PTPRD: variants seen among roughly 807,000 people sequenced by gnomAD.
PTPRD encodes receptor-type tyrosine-protein phosphatase delta.
PTPRD carries 34 observed loss-of-function variants against 214.5 expected under a neutral mutation model. That is an observed-to-expected ratio of 0.16 (90% confidence interval 0.12 to 0.21). The LOEUF is 0.21. PTPRD is among the 10% of genes least tolerant of loss of function. The pLI is 1.00. For synonymous variants in PTPRD, 1,128 were observed against 845.7 expected, an observed-to-expected ratio of 1.33 and a Z score of -5.79; for missense variants, 2,545 against 2,398.7, an observed-to-expected ratio of 1.06 and a Z score of -1.27.
chr9:9,589,708 A>G (rs1446018340), intron 7 of PTPRD, among the ~76,000 whole-genome samples: 1 of 152,008 alleles, frequency 6.6e-6, no homozygotes, highest in Non-Finnish European at 1.5e-5. Context: ...ATTATTTCAT[A>G]GAGCTTTACA....
intron 2 of PTPRD, among the ~76,000 whole-genome samples, chr9:10,494,836 T>A (rs575652969): frequency 6.6e-6 from 1 of 151,704 alleles, no homozygotes; most frequent in African/African-American, 2.4e-5. Flanking sequence ...TATAATTTTA[T>A]TCCTAAAAAT....
intron 21 of PTPRD, among the ~76,000 whole-genome samples, chr9:8,516,877 C>A (rs1173550840): frequency 7.1e-6 from 1 of 141,840 alleles, no homozygotes; most frequent in Non-Finnish European, 1.5e-5. Flanking sequence ...AATCTTAGCT[C>A]ACTGCAAACT....
intron 9 of PTPRD, among the ~76,000 whole-genome samples, chr9:9,243,217 G>A (rs1211512221): frequency 6.6e-6 from 1 of 152,078 alleles, no homozygotes; most frequent in South Asian, 2.1e-4. Flanking sequence ...GAGGTACAAG[G>A]AGGAGCTGCT....
At chr9:9,878,101 G>C (rs148089222) in intron 5 of PTPRD, among the ~76,000 whole-genome samples, 1,845 of 152,062 alleles carry the variant, frequency 0.012, 25 homozygotes, top group Non-Finnish European at 0.016. Flanking sequence ...CTGTGGTAGA[G>C]ATTAAAGAAT....
chr9:9,724,569 T>C (rs900486770), intron 7 of PTPRD, among the ~76,000 whole-genome samples: 12 of 152,144 alleles, frequency 7.9e-5, no homozygotes, highest in Non-Finnish European at 1.3e-4. Flanking sequence ...CTTTACTCAA[T>C]ATTAACAGAT....
chr9:10,418,340 G>A (rs986791522), intron 2 of PTPRD, among the ~76,000 whole-genome samples: 14 of 151,316 alleles, frequency 9.3e-5, no homozygotes, highest in African/African-American at 3.4e-4. Context: ...ATTTTTTTAA[G>A]TATCCCTTTG....
intron 7 of PTPRD, among the ~76,000 whole-genome samples, chr9:9,664,673 C>A: frequency 6.6e-6 from 1 of 151,648 alleles, no homozygotes; most frequent in East Asian, 1.9e-4. Flanking sequence ...ATCCTTAATG[C>A]ATGGACAGAT....
chr9:8,957,201 C>T (rs1450073757), intron 11 of PTPRD, among the ~76,000 whole-genome samples: 5 of 151,728 alleles, frequency 3.3e-5, no homozygotes, highest in East Asian at 1.9e-4. Context: ...ATAACTTTCA[C>T]GTAACTTTCA....
At chr9:9,640,455 G>A (rs773142017) in intron 7 of PTPRD, among the ~76,000 whole-genome samples, 1 of 152,196 alleles carries the variant, frequency 6.6e-6, no homozygotes, top group African/African-American at 2.4e-5. Context: ...TGCCCTGCCA[G>A]AAGCCTCTGC....
intron 2 of PTPRD, among the ~76,000 whole-genome samples, chr9:10,452,683 G>T (rs939572197): frequency 6.6e-6 from 1 of 151,600 alleles, no homozygotes. Flanking sequence ...ATTTCGTTTT[G>T]TTAGCTATTG....
chr9:10,225,671 G>T (rs1320653603), intron 3 of PTPRD, among the ~76,000 whole-genome samples: 1 of 152,018 alleles, frequency 6.6e-6, no homozygotes, highest in South Asian at 2.1e-4. Context: ...CTAGGAACAA[G>T]AAAAGTCTAC....
At chr9:9,052,060 G>C (rs1397442435) in intron 10 of PTPRD, among the ~76,000 whole-genome samples, 1 of 152,182 alleles carries the variant, frequency 6.6e-6, no homozygotes, top group African/African-American at 2.4e-5. Context: ...AGTTCTGGAG[G>C]CTGGGATGTT....
intron 9 of PTPRD, among the ~76,000 whole-genome samples, chr9:9,325,233 T>C (rs1383409152): frequency 6.6e-6 from 1 of 152,212 alleles, no homozygotes; most frequent in East Asian, 1.9e-4. Flanking sequence ...GTGAAGAAAG[T>C]CCTTGGTAGC....
intron 5 of PTPRD, among the ~76,000 whole-genome samples, chr9:9,842,721 T>G (rs1485029051): frequency 1.3e-5 from 2 of 151,788 alleles, no homozygotes; most frequent in Non-Finnish European, 2.9e-5. Context: ...TGGCTTTACC[T>G]TGGACAGGAT....
chr9:8,436,549 G>A, intron 35 of PTPRD, 43 bp downstream of exon 35: 1 of 1,452,462 alleles, frequency 6.9e-7, no homozygotes, highest in Non-Finnish European at 9.6e-7. Flanking sequence ...AAAGAGAAGA[G>A]TAACTCTTGA....
At chr9:10,100,025 G>T (rs1342663616) in intron 3 of PTPRD, among the ~76,000 whole-genome samples, 1 of 151,666 alleles carries the variant, frequency 6.6e-6, no homozygotes, top group Non-Finnish European at 1.5e-5. Context: ...ATGTATATGT[G>T]TTTTCGGTGT....
At chr9:9,947,492 T>TATATATATTTTATATATATA (rs2092848828) in intron 4 of PTPRD, among the ~76,000 whole-genome samples, 38 of 35,636 alleles carry the variant, frequency 1.1e-3, no homozygotes, top group Non-Finnish European at 1.5e-3. Flanking sequence ...TTATATATAT[T>TATATATATTTTATATATATA]ATATATATTT....
chr9:10,267,490 T>C (rs529443630), intron 3 of PTPRD, among the ~76,000 whole-genome samples: 4 of 152,286 alleles, frequency 2.6e-5, no homozygotes, highest in Non-Finnish European at 5.9e-5. Context: ...TTTCAGTCAC[T>C]GATAGCAAAT....
chr9:8,964,806 T>C (rs2099182233), intron 11 of PTPRD, among the ~76,000 whole-genome samples: 1 of 152,192 alleles, frequency 6.6e-6, no homozygotes, highest in Non-Finnish European at 1.5e-5. Flanking sequence ...TTTCATTGTT[T>C]ATCCAAAAGT....
Sources: gnomAD v4.1 joint callset for allele counts (sites outside exome capture counted in the v4.1 genomes callset) on GRCh38, gnomAD v4.1.1 for gene constraint, MANE v1.5 for transcripts, NCBI Gene and HGNC (gene_info 2026-07-23, HGNC 2026-07-21) for gene names.